TBL1XR1: variants seen among roughly 807,000 people sequenced by gnomAD.
TBL1XR1 encodes TBL1X/Y related 1.
In TBL1XR1, 5 loss-of-function variants were observed where a neutral mutation model predicts 66.9. The ratio of observed to expected loss-of-function variants is 0.07; its 90% confidence interval spans 0.04 to 0.16. The LOEUF is 0.16. Among genes scored for constraint, TBL1XR1 ranks in the 10% least tolerant of loss-of-function variants. TBL1XR1 has a pLI of 1.00. For synonymous variants in TBL1XR1, 210 were observed against 206.0 expected (o/e 1.02, Z -0.17); for missense variants, 238 against 623.2 (o/e 0.38, Z 6.58).
At chr3:177,094,164 T>G (rs7645433) in intron 2 of TBL1XR1, among the ~76,000 whole-genome samples, 2,600 of 151,910 alleles carry the variant, frequency 0.017, 73 homozygotes, top group African/African-American at 0.06. Flanking sequence ...AAAAGTGGGC[T>G]AAGGACATGA....
At chr3:177,030,619 C>T (rs1386674621) in intron 14 of TBL1XR1, among the ~76,000 whole-genome samples, 2 of 152,116 alleles carry the variant, frequency 1.3e-5, no homozygotes, top group African/African-American at 2.4e-5. Flanking sequence ...GGAAGAGATT[C>T]ACAACAGTGT....
At chr3:177,098,610 C>A in intron 1 of TBL1XR1, 69 bp from the exon 2 acceptor site, 1 of 782,438 alleles carries the variant, frequency 1.3e-6, no homozygotes, top group Non-Finnish European at 1.6e-6. Context: ...TTTTCCATAC[C>A]AAATGTTACA....
At chr3:177,115,664 A>G (rs939116272) in intron 1 of TBL1XR1, among the ~76,000 whole-genome samples, 1 of 152,186 alleles carries the variant, frequency 6.6e-6, no homozygotes, top group East Asian at 1.9e-4. Context: ...AATTGTTTTT[A>G]ATGCATCCCA....
intron 2 of TBL1XR1, among the ~76,000 whole-genome samples, chr3:177,074,648 A>C (rs989935678): frequency 1.3e-5 from 2 of 152,148 alleles, no homozygotes; most frequent in Admixed American, 6.5e-5. Context: ...AAACAGACTT[A>C]TATTCCAAGT....
chr3:177,135,370 T>C (rs1427016407), intron 1 of TBL1XR1, among the ~76,000 whole-genome samples: 1 of 31,828 alleles, frequency 3.1e-5, no homozygotes, highest in Admixed American at 3.3e-4. Flanking sequence ...TATATATATA[T>C]ATATATATAT....
At chr3:177,083,045 C>A (rs1721638759) in intron 2 of TBL1XR1, among the ~76,000 whole-genome samples, 1 of 151,922 alleles carries the variant, frequency 6.6e-6, no homozygotes, top group Non-Finnish European at 1.5e-5. Flanking sequence ...AAATTCTAAT[C>A]AATCCAATCT....
intron 12 of TBL1XR1, chr3:177,037,772 T>TCATC (rs71170848): frequency 0.17 from 31,059 of 183,404 alleles, 3,002 homozygotes; most frequent in African/African-American, 0.25. Context: ...AGTAAATCTC[T>TCATC]CATCCATCCA....
intron 2 of TBL1XR1, among the ~76,000 whole-genome samples, chr3:177,071,046 T>C (rs1363992092): frequency 6.7e-6 from 1 of 148,672 alleles, no homozygotes; most frequent in Non-Finnish European, 1.5e-5. Context: ...TTTTTTTTTT[T>C]TTGAGACAGA....
chr3:177,026,791 A>G lies in TBL1XR1; in HGVS notation c.1417-317T>C, dbSNP rs139350566. 1,075 of 216,574 alleles carry G rather than the reference A, an allele frequency of 5.0e-3. 8 individuals carry two copies. Among genetic ancestry groups the G allele is most frequent in the African/African-American group, 0.023 (992 of 43,804 alleles). 13.4% of individuals were successfully genotyped at this position (216,574 alleles called of 1,614,324 possible). A position where few individuals can be genotyped will look rare whatever the true frequency, so the allele number is the denominator to read the frequency against. On this transcript the variant is annotated intron_variant, in intron 14 of 15. Coordinates refer to ENST00000457928, the MANE Select transcript of TBL1XR1 (RefSeq NM_024665.7). ...GTAAACAGTCAGTCTATCACATGAA[A>G]TAAGTTTTTGTTGTTGCTAAATGAT... is the stretch of plus-strand genomic sequence containing the variant.
chr3:177,131,291 T>A, intron 1 of TBL1XR1: 2 of 973,644 alleles, frequency 2.1e-6, no homozygotes, highest in Non-Finnish European at 1.2e-6. Context: ...ATTTGCCTAA[T>A]CATAAAGACC....
intron 13 of TBL1XR1, among the ~76,000 whole-genome samples, chr3:177,033,886 A>G (rs553676094): frequency 3.7e-4 from 57 of 152,268 alleles, no homozygotes; most frequent in Non-Finnish European, 5.9e-5. Context: ...ATGAGGACAC[A>G]AAGGTATAAG....
intron 1 of TBL1XR1, among the ~76,000 whole-genome samples, chr3:177,173,743 A>G (rs749623396): frequency 2.0e-5 from 3 of 152,198 alleles, no homozygotes; most frequent in Non-Finnish European, 4.4e-5. Context: ...ACCAATGTTC[A>G]TTTCTTAGGT....
intron 1 of TBL1XR1, among the ~76,000 whole-genome samples, chr3:177,177,876 A>G (rs1397664714): frequency 6.8e-6 from 1 of 146,324 alleles, no homozygotes; most frequent in East Asian, 2.0e-4. Flanking sequence ...AGGGACGTTT[A>G]AAAAAAAAAA....
intron 1 of TBL1XR1, among the ~76,000 whole-genome samples, chr3:177,189,335 G>C (rs1473199853): frequency 6.6e-6 from 1 of 152,114 alleles, no homozygotes; most frequent in Non-Finnish European, 1.5e-5. Context: ...TGGCCAACAA[G>C]GTGATATCCC....
intron 1 of TBL1XR1, among the ~76,000 whole-genome samples, chr3:177,170,802 G>A (rs757000589): frequency 5.3e-5 from 8 of 151,876 alleles, no homozygotes; most frequent in Admixed American, 2.0e-4. Context: ...ACGAGGTCTC[G>A]CCATGTTGCC....
intron 1 of TBL1XR1, among the ~76,000 whole-genome samples, chr3:177,194,670 T>C (rs992558661): frequency 1.3e-5 from 2 of 150,760 alleles, no homozygotes; most frequent in Non-Finnish European, 2.9e-5. Flanking sequence ...CATTTCCTTT[T>C]ATCAGTACCC....
intron 3 of TBL1XR1, among the ~76,000 whole-genome samples, chr3:177,064,504 TA>T (rs1718912316): frequency 6.6e-6 from 1 of 152,222 alleles, no homozygotes; most frequent in Non-Finnish European, 1.5e-5. Context: ...ATTCAAATAA[TA>T]ATTTTGAAAG....
upstream of TBL1XR1, among the ~76,000 whole-genome samples, chr3:177,201,515 C>G (rs1027236702): frequency 6.6e-6 from 1 of 150,932 alleles, no homozygotes; most frequent in Non-Finnish European, 1.5e-5. Context: ...ACATTTGCAA[C>G]TTTCATCGCT....
At chr3:177,104,110 G>T (rs572300040) in intron 1 of TBL1XR1, among the ~76,000 whole-genome samples, 66 of 125,440 alleles carry the variant, frequency 5.3e-4, no homozygotes, top group African/African-American at 1.6e-3. Flanking sequence ...AGCGAGACTC[G>T]GTCTCCAAAA....
Sources: gnomAD v4.1 joint callset for allele counts (sites outside exome capture counted in the v4.1 genomes callset) on GRCh38, gnomAD v4.1.1 for gene constraint, MANE v1.5 for transcripts, NCBI Gene and HGNC (gene_info 2026-07-23, HGNC 2026-07-21) for gene names.